The following GRTP1 variants were observed in gnomAD, a reference collection of about 807,000 sequenced individuals.
The protein encoded by GRTP1 is growth hormone-regulated TBC protein 1.
Under a neutral mutation model 38.1 loss-of-function variants are expected in GRTP1, and 56 were observed. The observed-to-expected ratio is 1.47, with a 90% CI of 1.19 to 1.84. The LOEUF (loss-of-function observed/expected upper bound fraction) is 1.84. GRTP1 is among the 40% of genes most tolerant of loss of function. The pLI is 0.00. For missense variants in GRTP1, 506 were observed against 453.9 expected, an observed-to-expected ratio of 1.11 and a Z score of -1.04; for synonymous variants, 217 against 189.5, an observed-to-expected ratio of 1.14 and a Z score of -1.19.
Position 113,346,138 on chromosome 13 carries a change from GCA to G in GRTP1, c.466-1181_466-1180del, listed in dbSNP as rs1462581675. Among the ~76,000 whole-genome samples, 298 of 134,916 alleles carry G rather than the reference GCA, an allele frequency of 2.2e-3. 22 individuals carry two copies. The highest frequency in any genetic ancestry group is 3.6e-3 in the Middle Eastern group (1 of 276). The allele number at this position is 134,916 out of a possible 152,430, so 88.5% of individuals were successfully genotyped here. ...CCCGGGAGGACCTCTGTGGACAAGA[GCA>G]GACCCGGGAGGACCTCTGTGCCTGA... On this transcript the variant is annotated intron_variant, in intron 4 of 7. Coordinates refer to ENST00000375431, the MANE Select transcript of GRTP1 (RefSeq NM_024719.4).
intron 5 of GRTP1, among the ~76,000 whole-genome samples, chr13:113,330,512 C>A: frequency 7.0e-6 from 1 of 142,826 alleles, no homozygotes; most frequent in South Asian, 2.3e-4. Flanking sequence ...GCATGGGAGC[C>A]CAGGTGTGTG....
chr13:113,360,836 C>T lies in GRTP1; in HGVS notation c.181+2926G>A, dbSNP rs570876991. Among the ~76,000 whole-genome samples, 64 of 152,304 alleles carry T rather than the reference C, an allele frequency of 4.2e-4. 2 individuals are homozygous for T. The highest frequency in any genetic ancestry group is 1.5e-3 in the African/African-American group (63 of 41,580). ...CTTAACATTACATAAATTAGCCCAG[C>T]ATGGTGGCTCACGCCTGTCATCCCA... On this transcript the variant is annotated intron_variant, in intron 2 of 7. Coordinates refer to ENST00000375431, the MANE Select transcript of GRTP1 (RefSeq NM_024719.4).
chr13:113,336,670 C>T (rs997568755), intron 5 of GRTP1, among the ~76,000 whole-genome samples: 2 of 152,144 alleles, frequency 1.3e-5, no homozygotes, highest in East Asian at 1.9e-4. Context: ...ACTGGGAACA[C>T]GAGACCCCAC....
intron 5 of GRTP1, among the ~76,000 whole-genome samples, chr13:113,337,217 C>T (rs1339530827): frequency 6.6e-6 from 1 of 152,138 alleles, no homozygotes; most frequent in Non-Finnish European, 1.5e-5. Context: ...TCACTTGAAC[C>T]CAGGAGGTCA....
intron 2 of GRTP1, 95 bp downstream of exon 2, chr13:113,363,667 C>A (rs1449948733): frequency 1.5e-6 from 2 of 1,294,276 alleles, no homozygotes; most frequent in Non-Finnish European, 2.1e-6. Flanking sequence ...AAGGTTCCTC[C>A]CCCTCCCTCC....
At chr13:113,361,454 C>T (rs1424145498) in intron 2 of GRTP1, 1 of 152,172 alleles carries the variant, frequency 6.6e-6, no homozygotes, top group African/African-American at 2.4e-5. Flanking sequence ...AAGAAAAGGA[C>T]AGCAATAGGA....
chr13:113,334,863 G>T (rs931710335), intron 5 of GRTP1, among the ~76,000 whole-genome samples: 3 of 152,154 alleles, frequency 2.0e-5, no homozygotes, highest in Admixed American at 1.3e-4. Context: ...CTGTCGCCCA[G>T]GCTGGATGGA....
intron 7 of GRTP1, 67 bp downstream of exon 7, chr13:113,325,594 A>C: frequency 6.2e-7 from 1 of 1,611,688 alleles, no homozygotes; most frequent in Non-Finnish European, 8.5e-7. Flanking sequence ...TGGTCAGAGC[A>C]GCCCCCGGGC....
chr13:113,346,143 C>T lies in GRTP1; in HGVS notation c.466-1184G>A, dbSNP rs1253649043. ...GAGGACCTCTGTGGACAAGAGCAGA[C>T]CCGGGAGGACCTCTGTGCCTGACAG... On this transcript the variant is annotated intron_variant, in intron 4 of 7. Transcript: ENST00000375431. 2.0e-4 allele frequency among the ~76,000 whole-genome samples: 29 copies of T among 142,402 alleles called. 1 individual carries two copies. Among genetic ancestry groups the T allele is most frequent in the South Asian group, 9.1e-4 (4 of 4,372 alleles). 93.4% of individuals were successfully genotyped at this position (142,402 alleles called of 152,430 possible). A position where few individuals can be genotyped will look rare whatever the true frequency, so the allele number is the denominator to read the frequency against.
At chr13:113,358,714 G>C (rs2139535053) in intron 2 of GRTP1, among the ~76,000 whole-genome samples, 1 of 152,210 alleles carries the variant, frequency 6.6e-6, no homozygotes, top group South Asian at 2.1e-4. Flanking sequence ...AATGCACACA[G>C]AATAGTCCAT....
rs2042745569 is a variant in GRTP1, at chr13:113,325,462, G to A, written c.921+199C>T. On this transcript the variant is annotated intron_variant, in intron 7 of 7. Coordinates refer to ENST00000375431, the MANE Select transcript of GRTP1 (RefSeq NM_024719.4). ...GCGTCCGCAGTGCCAGGGCCAAGAA[G>A]ACAGGGCCGCCATAGACAGGAAAGC... is the stretch of plus-strand genomic sequence containing the variant. 3 of 1,449,844 alleles carry A rather than the reference G, an allele frequency of 2.1e-6. No individual in the cohort carries two copies. The Admixed American group carries it at 8.2e-5, about 40-fold the overall frequency. The allele number at this position is 1,449,844 out of a possible 1,614,324, so 89.8% of individuals were successfully genotyped here.
intron 5 of GRTP1, among the ~76,000 whole-genome samples, chr13:113,334,144 G>A (rs2042920829): frequency 6.6e-6 from 1 of 152,164 alleles, no homozygotes; most frequent in African/African-American, 2.4e-5. Context: ...CCATGCCTGT[G>A]CATTTAGAAA....
intron 5 of GRTP1, among the ~76,000 whole-genome samples, chr13:113,332,439 C>A (rs1337981592): frequency 6.6e-6 from 1 of 152,290 alleles, no homozygotes; most frequent in East Asian, 1.9e-4. Flanking sequence ...CAGGCACACA[C>A]GTGCACACGC....
rs1334269983 is a variant in GRTP1, at chr13:113,325,958, G to A, written c.696C>T (p.Arg232=). 5.0e-6 allele frequency: 8 copies of A among 1,613,816 alleles called. No individual in the cohort carries two copies. In the African/African-American group the frequency reaches 5.3e-5, roughly 11 times the overall value. ...LGVLWTLLVS[R]WFICLFVDIL... is the part of the protein sequence containing the mutation. ...TGTCCACAAACAGGCAGATGAACCA[G>A]CGGGACACCAGCAGCGTCCACAGCA... Residue 232 remains arginine (R), a synonymous_variant, in exon 6 of 8, where the codon CGC becomes CGT. Transcript: ENST00000375431.
chr13:113,363,845 G>A lies in GRTP1; in HGVS notation c.98C>T (p.Ser33Phe), dbSNP rs771947417. Residue 33 changes from serine to phenylalanine, a missense_variant, in exon 2 of 8, where the codon TCC becomes TTC. Ser to Phe is a radical substitution (Grantham distance 155). Coordinates refer to ENST00000375431, the MANE Select transcript of GRTP1 (RefSeq NM_024719.4). ...GCGGGTGAGCGTGACCAGGTAGCTGGAGAAAAACTTCTCGTAGGCGGCGTC... is the reference window on the plus strand; with the variant it reads ...GCGGGTGAGCGTGACCAGGTAGCTGAAGAAAAACTTCTCGTAGGCGGCGTC... ...FDDAAYEKFFSSYLVTLTRRA... is the reference protein window; with the variant it reads ...FDDAAYEKFFFSYLVTLTRRA... The A allele has an allele frequency of 6.2e-7, 1 of 1,612,066 alleles. No individual in the cohort carries two copies. Among genetic ancestry groups the A allele is most frequent in the Non-Finnish European group, 8.5e-7 (1 of 1,179,614 alleles).
chr13:113,344,725 AAAAAAAAAAAC>A (rs1396450976), intron 5 of GRTP1, 127 bp downstream of exon 5: 10 of 428,282 alleles, frequency 2.3e-5, no homozygotes, highest in African/African-American at 1.1e-4. Flanking sequence ...AAAAAAAAAA[AAAAAAAAAAAC>A]GGTTTGTAAC....
At chr13:113,337,461 T>TTC in intron 5 of GRTP1, among the ~76,000 whole-genome samples, 1 of 152,224 alleles carries the variant, frequency 6.6e-6, no homozygotes, top group African/African-American at 2.4e-5. Flanking sequence ...CTGCTATAAC[T>TTC]AGGAGACCCT....
At chr13:113,345,693 G>C (rs2043092663) in intron 4 of GRTP1, among the ~76,000 whole-genome samples, 1 of 152,230 alleles carries the variant, frequency 6.6e-6, no homozygotes, top group African/African-American at 2.4e-5. Context: ...GCTGCAGAGA[G>C]CGATGCTGGC....
chr13:113,329,306 A>G (rs1421804568), intron 5 of GRTP1, among the ~76,000 whole-genome samples: 1 of 152,208 alleles, frequency 6.6e-6, no homozygotes, highest in East Asian at 1.9e-4. Context: ...GGCCGGGTGC[A>G]GTGGCTCACA....
Sources: allele counts gnomAD v4.1 joint callset (sites outside exome capture counted in the v4.1 genomes callset), GRCh38; gene constraint gnomAD v4.1.1; transcripts MANE v1.5; gene names NCBI Gene and HGNC (gene_info 2026-07-23, HGNC 2026-07-21).